The following OCA2 variants were observed in gnomAD, a reference collection of about 807,000 sequenced individuals.
OCA2 encodes P protein.
In OCA2, 77 loss-of-function variants were observed where a neutral mutation model predicts 100.2. The ratio of observed to expected loss-of-function variants is 0.77; its 90% CI spans 0.64 to 0.93. The LOEUF is 0.93. OCA2 is among the 40% of genes least tolerant of loss of function. The pLI, the probability that OCA2 is intolerant of heterozygous loss-of-function variation, is 0.00. For synonymous variants in OCA2, 432 were observed against 439.2 expected, an observed-to-expected ratio of 0.98 and a Z score of 0.21; for missense variants, 1,062 against 1,089.1, an observed-to-expected ratio of 0.98 and a Z score of 0.35.
intron 23 of OCA2, among the ~76,000 whole-genome samples, chr15:27,804,297 A>G (rs2033734624): frequency 6.6e-6 from 1 of 152,198 alleles, no homozygotes; most frequent in South Asian, 2.1e-4. Context: ...ATGAACGTTG[A>G]TATTTTGCTC....
intron 2 of OCA2, among the ~76,000 whole-genome samples, chr15:28,049,402 A>G (rs1219407958): frequency 6.6e-6 from 1 of 152,238 alleles, no homozygotes; most frequent in Non-Finnish European, 1.5e-5. Context: ...ACTCTATGAA[A>G]AACAGTTTTG....
intron 21 of OCA2, among the ~76,000 whole-genome samples, chr15:27,866,948 C>T (rs1336480719): frequency 6.6e-6 from 1 of 152,204 alleles, no homozygotes; most frequent in Non-Finnish European, 1.5e-5. Flanking sequence ...TACTCAAGAG[C>T]AGGCTGACAG....
rs151118268 is a variant in OCA2 at position 28,027,886 on chromosome 15, C to T, written c.500G>A (p.Arg167His). 52 of 1,613,068 alleles carry T rather than the reference C, an allele frequency of 3.2e-5. No individual in the cohort carries two copies. In the South Asian group the frequency reaches 4.6e-4, roughly 14 times the overall value. The change falls in exon 4 of 24, where the codon CGT becomes CAT. Residue 167 changes from arginine (R) to histidine (H), a missense_variant. Coordinates refer to ENST00000354638, the MANE Select transcript of OCA2 (RefSeq NM_000275.3). ...DLLDSPHIRL[R>H]LSKLRRCVQW... ...GTCCGCCTACCTCAGCTTGGAAAGA[C>T]GGAGTCGGATGTGCGGGCTGTCCAG...
At chr15:28,061,444 G>C (rs1595894281) in intron 2 of OCA2, among the ~76,000 whole-genome samples, 2 of 152,108 alleles carry the variant, frequency 1.3e-5, no homozygotes, top group African/African-American at 4.8e-5. Context: ...GGAAGAATCT[G>C]ATTACTAGAG....
At chr15:27,970,331 CAGAGAGGCAGAGCAGGGCCCACAAG>C (rs2040730342) in intron 14 of OCA2, among the ~76,000 whole-genome samples, 1 of 152,032 alleles carries the variant, frequency 6.6e-6, no homozygotes, top group Non-Finnish European at 1.5e-5. Context: ...CAGAGGGGGC[CAGAGAGGCAGAGCAGGGCCCACAAG>C]AGAGAGACAC....
At chr15:27,742,291 C>CA in the OCA2 span, among the ~76,000 whole-genome samples, 1 of 152,208 alleles carries the variant, frequency 6.6e-6, no homozygotes, top group Non-Finnish European at 1.5e-5. Context: ...CATCATTCCC[C>CA]AGTGCTCTAA....
the OCA2 span, among the ~76,000 whole-genome samples, chr15:27,737,993 T>C: frequency 6.6e-6 from 1 of 152,116 alleles, no homozygotes; most frequent in Non-Finnish European, 1.5e-5. Context: ...CCAGAATGCC[T>C]AATAACAAAA....
intron 23 of OCA2, among the ~76,000 whole-genome samples, chr15:27,782,820 TC>T (rs1485098390): frequency 3.3e-5 from 5 of 152,232 alleles, no homozygotes; most frequent in Non-Finnish European, 5.9e-5. Context: ...AAGCCTACTA[TC>T]CCCATAGGGG....
chr15:27,979,031 G>C, intron 14 of OCA2, among the ~76,000 whole-genome samples: 1 of 152,182 alleles, frequency 6.6e-6, no homozygotes, highest in East Asian at 1.9e-4. Context: ...GCAGCATAAT[G>C]CAGATGTTCC....
intron 2 of OCA2, among the ~76,000 whole-genome samples, chr15:28,076,853 CAAAA>C (rs575299612): frequency 1.6e-5 from 1 of 60,748 alleles, no homozygotes; most frequent in African/African-American, 5.3e-5. Flanking sequence ...GACTCCGTCT[CAAAA>C]AAAAAAAAAA....
intron 23 of OCA2, among the ~76,000 whole-genome samples, chr15:27,778,111 A>T (rs2032339765): frequency 6.6e-6 from 1 of 152,144 alleles, no homozygotes; most frequent in African/African-American, 2.4e-5. Flanking sequence ...AGAAATTCAG[A>T]TCTCATTTTT....
intron 23 of OCA2, among the ~76,000 whole-genome samples, chr15:27,842,824 ACG>A (rs766356304): frequency 7.3e-5 from 10 of 137,658 alleles, no homozygotes; most frequent in African/African-American, 2.3e-4. Context: ...AACTGCACAC[ACG>A]CACACACACA....
chr15:27,892,335 G>A (rs764075548), intron 19 of OCA2, among the ~76,000 whole-genome samples: 3 of 151,654 alleles, frequency 2.0e-5, no homozygotes, highest in Non-Finnish European at 4.4e-5. Flanking sequence ...TTCCGCAAAT[G>A]TAAAAAAATA....
intron 11 of OCA2, among the ~76,000 whole-genome samples, chr15:27,989,329 T>G (rs1247888543): frequency 6.6e-6 from 1 of 152,322 alleles, no homozygotes; most frequent in East Asian, 1.9e-4. Context: ...TTTTTTTATT[T>G]TAACGGAAAT....
At chr15:27,967,854 A>AC (rs1567170165) in intron 14 of OCA2, among the ~76,000 whole-genome samples, 1 of 151,686 alleles carries the variant, frequency 6.6e-6, no homozygotes, top group African/African-American at 2.4e-5. Context: ...TCACACACAA[A>AC]CGTCCTGGAA....
rs922190509 is a variant in OCA2 at position 27,875,463 on chromosome 15, G to GA, written c.2080-3542dup. On this transcript the variant is annotated intron_variant, in intron 19 of 23. Transcript: ENST00000354638. ...GTGCTCCAAAAGTTGTCCTTTTGGG[G>GA]AAAAAAATGCTTTAGTTATTTGAAT... is the stretch of plus-strand genomic sequence containing the variant. Among the ~76,000 whole-genome samples, 20 of 151,948 alleles carry GA rather than the reference G, an allele frequency of 1.3e-4. No homozygotes were observed. In the East Asian group the frequency reaches 2.5e-3, roughly 19 times the overall value.
At position 27,957,693 on chromosome 15, in the gene OCA2, C is replaced by A. The variant is rs35110389; in HGVS notation, c.1679G>T (p.Arg560Leu). The A allele has an allele frequency of 1.2e-6, 2 of 1,612,968 alleles. No homozygotes were observed. Among genetic ancestry groups the A allele is most frequent in the African/African-American group, 1.3e-5 (1 of 74,922 alleles). ...EIHVWRLTAQ[R>L]ISPASREETA... ...CTCCTCGCGGCTGGCCGGGCTGATG[C>A]GCTGAGCAGTCAGGCGCCAGACGTG... is the stretch of plus-strand genomic sequence containing the variant. The change falls in exon 16 of 24, where the codon CGC becomes CTC. Residue 560 changes from arginine to leucine, a missense_variant. By Grantham distance (102) the Arg-to-Leu change is moderately radical (BLOSUM62 -2). Coordinates refer to ENST00000354638, the MANE Select transcript of OCA2 (RefSeq NM_000275.3). The surrounding 1 kb of genome is among the most constrained non-coding windows in gnomAD (Gnocchi z 4.3).
intron 21 of OCA2, among the ~76,000 whole-genome samples, chr15:27,862,765 G>A (rs1411376178): frequency 2.6e-5 from 4 of 151,792 alleles, no homozygotes; most frequent in African/African-American, 7.3e-5. Flanking sequence ...ATGAGCCTCC[G>A]TACCCAGCCT....
In OCA2 at chr15:27,983,634, A is replaced by C. The variant is rs2041245645; in HGVS notation, c.1365-151T>G. ...GGGGAAGGCAGTGCTGGGGGGAATG[A>C]ACAACTGCAACAACCCCCGCAGGCC... On this transcript the variant is annotated intron_variant, in intron 13 of 23. Transcript: ENST00000354638. The C allele has an allele frequency of 3.8e-6, 3 of 790,290 alleles. No homozygotes were observed. In the Admixed American group the frequency reaches 6.0e-5, roughly 16 times the overall value. The allele number at this position is 790,290 out of a possible 1,614,324, so 49.0% of individuals were successfully genotyped here.
Sources: allele counts gnomAD v4.1 joint callset (sites outside exome capture counted in the v4.1 genomes callset), GRCh38; gene constraint gnomAD v4.1.1; non-coding constraint Gnocchi (gnomAD v3.1); transcripts MANE v1.5; gene names NCBI Gene and HGNC (gene_info 2026-07-23, HGNC 2026-07-21).